Variants in TMED10 observed in about 807,000 individuals in gnomAD.
The protein encoded by TMED10 is transmembrane emp24 domain-containing protein 10.
TMED10 carries 7 observed loss-of-function variants against 23.1 expected under a neutral mutation model. That is an observed-to-expected ratio of 0.30 (90% CI 0.17 to 0.57). The LOEUF is 0.57. Among genes scored for constraint, TMED10 ranks in the 20% least tolerant of loss-of-function variants. TMED10 has a pLI of 0.91. For synonymous variants in TMED10, 113 were observed against 106.9 expected (o/e 1.06, Z -0.35); for missense variants, 162 against 274.8 (o/e 0.59, Z 2.90).
chr14:75,157,796 T>C (rs1423647899), intron 1 of TMED10, among the ~76,000 whole-genome samples: 1 of 149,854 alleles, frequency 6.7e-6, no homozygotes, highest in Non-Finnish European at 1.5e-5. Flanking sequence ...AAAAATTAGT[T>C]GGGCGTAGTG....
chr14:75,152,471 C>T (rs1459240834), intron 1 of TMED10, among the ~76,000 whole-genome samples: 3 of 152,096 alleles, frequency 2.0e-5, no homozygotes, highest in Admixed American at 6.6e-5. Context: ...AGTATCATTC[C>T]GCATAGAGGA....
At position 75,133,940 on chromosome 14, in the gene TMED10, C is replaced by G; in HGVS notation, c.*945G>C. 1 of 278,830 alleles carries G rather than the reference C, an allele frequency of 3.6e-6. No homozygotes were observed. The highest frequency in any genetic ancestry group is 6.8e-6 in the Non-Finnish European group (1 of 146,408). The allele number at this position is 278,830 out of a possible 1,614,324, so 17.3% of individuals were successfully genotyped here. ...AAAAGGAAGAAACTATTCATACATG[C>G]AACAACTTGGATGGATTTCAAGGGA... On this transcript the variant is annotated 3_prime_UTR_variant, in exon 5 of 5. Coordinates refer to ENST00000303575, the MANE Select transcript of TMED10 (RefSeq NM_006827.6).
chr14:75,161,059 G>T (rs1343708058), intron 1 of TMED10, among the ~76,000 whole-genome samples: 2 of 151,754 alleles, frequency 1.3e-5, no homozygotes, highest in African/African-American at 4.8e-5. Flanking sequence ...AAAAAGAGAA[G>T]GAAAAAAAAG....
At chr14:75,169,300 T>G (rs1296003618) in intron 1 of TMED10, among the ~76,000 whole-genome samples, 1 of 152,152 alleles carries the variant, frequency 6.6e-6, no homozygotes, top group Non-Finnish European at 1.5e-5. Flanking sequence ...TACTGAGATG[T>G]TCCTAGACAG....
chr14:75,175,782 CACTT>C (rs1391431829), intron 1 of TMED10: 7 of 152,732 alleles, frequency 4.6e-5, no homozygotes, highest in African/African-American at 1.4e-4. Context: ...CCATCTGTGA[CACTT>C]ACTAGTTTAT....
At chr14:75,138,387 T>C (rs1354883046) in intron 3 of TMED10, among the ~76,000 whole-genome samples, 1 of 152,252 alleles carries the variant, frequency 6.6e-6, no homozygotes, top group Non-Finnish European at 1.5e-5. Context: ...ACGGTGTGAC[T>C]GGTAACTGCA....
intron 1 of TMED10, among the ~76,000 whole-genome samples, chr14:75,175,370 T>C (rs1347351627): frequency 1.3e-5 from 2 of 152,162 alleles, no homozygotes; most frequent in Non-Finnish European, 2.9e-5. Context: ...TTGTAACCAA[T>C]AATCGACTTT....
At chr14:75,164,556 TATATATATATATATATA>T (rs1896130465) in intron 1 of TMED10, among the ~76,000 whole-genome samples, 1 of 3,318 alleles carries the variant, frequency 3.0e-4, no homozygotes, top group African/African-American at 5.6e-4. Flanking sequence ...TATATATATA[TATATATATATATATATA>T]TATATTTTTT....
intron 3 of TMED10, among the ~76,000 whole-genome samples, chr14:75,137,259 C>A (rs1895761400): frequency 1.3e-5 from 2 of 151,292 alleles, no homozygotes; most frequent in Admixed American, 1.3e-4. Context: ...ATCCACCTGC[C>A]TCGGCCTCCC....
chr14:75,152,107 C>T lies in TMED10; in HGVS notation c.262G>A (p.Glu88Lys). 1 of 1,613,874 alleles carries T rather than the reference C, an allele frequency of 6.2e-7. No homozygotes were observed. Among genetic ancestry groups the T allele is most frequent in the Non-Finnish European group, 8.5e-7 (1 of 1,179,916 alleles). The change falls in exon 2 of 5, where the codon GAG becomes AAG. Residue 88 changes from glutamate (E) to lysine (K), a missense_variant. Physicochemically the swap from Glu to Lys is moderately conservative, Grantham distance 56. Around this residue, in one of 2 missense-constraint regions of TMED10, gnomAD observed 126 missense variants for 239.5 expected, o/e 0.53. Transcript: ENST00000303575. ...GCAAATTTCCCCTTGGTTGCATCCT[C>T]TTTGGAGTAGAGAATATGGCCAGCA... is the stretch of plus-strand genomic sequence containing the variant. ...DSAGHILYSK[E>K]DATKGKFAFT...
At chr14:75,140,107 C>A (rs532092009) in intron 3 of TMED10, among the ~76,000 whole-genome samples, 9 of 152,190 alleles carry the variant, frequency 5.9e-5, no homozygotes, top group Non-Finnish European at 8.8e-5. Flanking sequence ...CCTGACCACA[C>A]TGGCACCCTG....
chr14:75,174,847 C>T (rs187935781), intron 1 of TMED10, among the ~76,000 whole-genome samples: 71 of 152,030 alleles, frequency 4.7e-4, no homozygotes, highest in Middle Eastern at 3.4e-3. Flanking sequence ...TCAAGACCAT[C>T]CTGGCCAACA....
chr14:75,171,909 A>G (rs963631596), intron 1 of TMED10, among the ~76,000 whole-genome samples: 1 of 152,126 alleles, frequency 6.6e-6, no homozygotes, highest in Non-Finnish European at 1.5e-5. Flanking sequence ...CAGAAAGATT[A>G]AACCTGAATC....
chr14:75,163,831 C>T (rs1159120367), intron 1 of TMED10, among the ~76,000 whole-genome samples: 1 of 151,766 alleles, frequency 6.6e-6, no homozygotes, highest in African/African-American at 2.4e-5. Context: ...CACTGTGTTG[C>T]CCAGGCTGGT....
At position 75,135,725 on chromosome 14, in the gene TMED10, G is replaced by A. The variant is rs558344241; in HGVS notation, c.538+35C>T. 5 of 1,605,218 alleles carry A rather than the reference G, an allele frequency of 3.1e-6. No homozygotes were observed. The South Asian group carries it at 3.4e-5, about 11-fold the overall frequency. On this transcript the variant is annotated intron_variant, in intron 4 of 4. Transcript: ENST00000303575. ...AGTTTGGAGACTGTCTCATTTATGG[G>A]TCACTTAAGAAGTAAGAGTCGCCTT...
At chr14:75,137,620 A>T (rs1246300617) in intron 3 of TMED10, among the ~76,000 whole-genome samples, 3 of 148,250 alleles carry the variant, frequency 2.0e-5, no homozygotes, top group Non-Finnish European at 4.5e-5. Flanking sequence ...GCTTGCAGTG[A>T]GTTGAGATTG....
intron 1 of TMED10, among the ~76,000 whole-genome samples, chr14:75,172,020 T>C (rs1449925059): frequency 1.3e-5 from 2 of 152,140 alleles, no homozygotes; most frequent in African/African-American, 2.4e-5. Flanking sequence ...CCATGGTGGT[T>C]TGCTGAACCT....
At chr14:75,152,225 T>C in intron 1 of TMED10, 82 bp from the exon 2 acceptor site, 1 of 1,095,588 alleles carries the variant, frequency 9.1e-7, no homozygotes, top group South Asian at 1.4e-5. Flanking sequence ...ATAGAGACAC[T>C]ATCTATGAAA....
At chr14:75,164,575 A>ATT (rs1261635916) in intron 1 of TMED10, among the ~76,000 whole-genome samples, 4 of 29,736 alleles carry the variant, frequency 1.3e-4, no homozygotes, top group South Asian at 1.6e-3. Flanking sequence ...ATATATATAT[A>ATT]TATTTTTTTT....
Sources: gnomAD v4.1 joint callset for allele counts (sites outside exome capture counted in the v4.1 genomes callset) on GRCh38, gnomAD v4.1.1 for gene constraint, gnomAD v4.1.1 regional missense constraint, MANE v1.5 for transcripts, NCBI Gene and HGNC (gene_info 2026-07-23, HGNC 2026-07-21) for gene names.